Variants in C1orf167 observed in about 807,000 individuals in gnomAD.
The protein encoded by C1orf167 is uncharacterized protein C1orf167.
C1orf167 carries 153 observed loss-of-function variants against 176.5 expected under a neutral mutation model. That is an observed-to-expected ratio of 0.87 (90% CI 0.76 to 0.99). The LOEUF (loss-of-function observed/expected upper bound fraction) is 0.99. Among genes scored for constraint, C1orf167 ranks in the 50% least tolerant of loss-of-function variants. C1orf167 has a pLI of 0.00. For synonymous variants in C1orf167, 594 were observed against 752.7 expected, an observed-to-expected ratio of 0.79 and a Z score of 3.45; for missense variants, 1,490 against 1,817.7, an observed-to-expected ratio of 0.82 and a Z score of 3.28.
At position 11,788,786 on chromosome 1, in the gene C1orf167, C is replaced by T. The variant is rs1040123339; in HGVS notation, c.4173+40C>T. 3.1e-6 allele frequency: 4 copies of T among 1,294,654 alleles called. No homozygotes were observed. In the African/African-American group the frequency reaches 4.6e-5, roughly 15 times the overall value. 80.2% of individuals were successfully genotyped at this position (1,294,654 alleles called of 1,614,324 possible). A position where few individuals can be genotyped will look rare whatever the true frequency, so the allele number is the denominator to read the frequency against. ...AGGTACTGCCCTCTTCCCTGCATTC[C>T]ACTCAGCCAGCCTTCCAGAAGTCTG... On this transcript the variant is annotated intron_variant, in intron 20 of 20. Coordinates refer to ENST00000688073, the MANE Select transcript of C1orf167 (RefSeq NM_001010881.2).
chr1:11,788,010 TGCAAAGCCCAAA>T lies in C1orf167; in HGVS notation c.3816_3827del (p.Gln1274_Ala1277del). ...GCACTCCAGCCCTGAGCCCAGAGCC[TGCAAAGCCCAAA>T]GCAAGGCCCATAAACGGAGGCTACG... On this transcript the variant is annotated inframe_deletion, in exon 18 of 21. Coordinates refer to ENST00000688073, the MANE Select transcript of C1orf167 (RefSeq NM_001010881.2). 1.5e-6 allele frequency: 2 copies of T among 1,302,902 alleles called. No individual in the cohort carries two copies. The highest frequency in any genetic ancestry group is 2.0e-6 in the Non-Finnish European group (2 of 988,366). The allele number at this position is 1,302,902 out of a possible 1,614,324, so 80.7% of individuals were successfully genotyped here.
Position 11,764,319 on chromosome 1 carries a change from C to T in C1orf167, c.-70-12C>T, listed in dbSNP as rs546646757. On this transcript the variant is annotated splice_polypyrimidine_tract_variant and intron_variant, in intron 1 of 20. Coordinates refer to ENST00000688073, the MANE Select transcript of C1orf167 (RefSeq NM_001010881.2). Reference sequence around the variant, plus strand: ...TGAATGAGAGCCAGGGCAACCTGTCCTCTCCCCGCAGGGCCCATCTGATTA... The same window carrying T: ...TGAATGAGAGCCAGGGCAACCTGTCTTCTCCCCGCAGGGCCCATCTGATTA... The T allele has an allele frequency of 8.9e-7, 1 of 1,126,994 alleles. No individual in the cohort carries two copies. The highest frequency in any genetic ancestry group is 1.6e-5 in the African/African-American group (1 of 62,580). 69.8% of individuals were successfully genotyped at this position (1,126,994 alleles called of 1,614,324 possible). A position where few individuals can be genotyped will look rare whatever the true frequency, so the allele number is the denominator to read the frequency against.
rs759239577 is a variant in C1orf167 at position 11,768,180 on chromosome 1, C to G, written c.1447C>G (p.Arg483Gly). The change falls in exon 5 of 21, where the codon CGA (arginine) becomes GGA (glycine). Residue 483 changes from arginine (R) to glycine (G), a missense_variant. Arg to Gly is a moderately radical substitution (Grantham distance 125). Coordinates refer to ENST00000688073, the MANE Select transcript of C1orf167 (RefSeq NM_001010881.2). This position sits in a 1 kb window ranked among gnomAD's most constrained non-coding sequence, Gnocchi z 4.5. ...GGCACTGGGCCGCTGGCAGCTGTTG[C>G]GAAAGTGCCTTCAGGCCTTGTGGCT... is the stretch of plus-strand genomic sequence containing the variant. ...AVALGRWQLL[R>G]KCLQALWLRE... is the part of the protein sequence containing the mutation. 2 of 1,287,928 alleles carry G rather than the reference C, an allele frequency of 1.6e-6. No homozygotes were observed. The highest frequency in any genetic ancestry group is 5.6e-5 in the East Asian group (1 of 18,014). The allele number at this position is 1,287,928 out of a possible 1,614,324, so 79.8% of individuals were successfully genotyped here.
chr1:11,765,593 A>G (rs1488524399), intron 2 of C1orf167, among the ~76,000 whole-genome samples: 1 of 151,340 alleles, frequency 6.6e-6, no homozygotes, highest in Admixed American at 6.6e-5. Context: ...CACCACCGTC[A>G]TCTCTCTCCT....
chr1:11,768,832 T>A lies in C1orf167; in HGVS notation c.1543-141T>A. 2.2e-6 allele frequency: 1 copy of A among 463,394 alleles called. No individual in the cohort carries two copies. Among genetic ancestry groups the A allele is most frequent in the Non-Finnish European group, 2.8e-6 (1 of 352,708 alleles). 28.7% of individuals were successfully genotyped at this position (463,394 alleles called of 1,614,324 possible). On this transcript the variant is annotated intron_variant, in intron 5 of 20. Transcript: ENST00000688073. This position sits in a 1 kb window ranked among gnomAD's most constrained non-coding sequence, Gnocchi z 4.5. ...CATTCCTTCATTCCCAAAGAAGGAA[T>A]GAATAGGCAGAGTAATGGTTAAGAC...
In C1orf167 at chr1:11,785,276, C is replaced by T. The variant is rs1643803707; in HGVS notation, c.3554C>T (p.Pro1185Leu). The T allele has an allele frequency of 1.6e-6, 2 of 1,286,860 alleles. No individual in the cohort carries two copies. The highest frequency in any genetic ancestry group is 1.1e-4 in the East Asian group (2 of 17,834). The allele number at this position is 1,286,860 out of a possible 1,614,324, so 79.7% of individuals were successfully genotyped here. ...TVQLRVRLGL[P>L]GAGKTRSCWT... Reference sequence around the variant, plus strand: ...CAGCTCAGGGTGCGGCTGGGACTGCCAGGGGCCGGCAAGGTACGCCCCAAG... The same window carrying T: ...CAGCTCAGGGTGCGGCTGGGACTGCTAGGGGCCGGCAAGGTACGCCCCAAG... The change falls in exon 16 of 21, where the codon CCA (proline) becomes CTA (leucine). Residue 1185 changes from proline (P) to leucine (L), a missense_variant. Physicochemically the swap from Pro to Leu is moderately conservative, Grantham distance 98. Coordinates refer to ENST00000688073, the MANE Select transcript of C1orf167 (RefSeq NM_001010881.2).
intron 8 of C1orf167, among the ~76,000 whole-genome samples, 163 bp downstream of exon 8, chr1:11,772,422 G>T (rs1045417002): frequency 9.5e-6 from 1 of 104,766 alleles, no homozygotes; most frequent in Non-Finnish European, 2.1e-5. Flanking sequence ...GTGCCACCAC[G>T]CACAGCTAAT....
At chr1:11,763,361 G>T (rs1239177502) in intron 1 of C1orf167, among the ~76,000 whole-genome samples, 1 of 151,250 alleles carries the variant, frequency 6.6e-6, no homozygotes, top group Non-Finnish European at 1.5e-5. Context: ...GATCCCTTGA[G>T]CCCAGGGAGG....
Position 11,775,422 on chromosome 1 carries a change from T to A in C1orf167, c.1989-13T>A. 1 of 1,284,728 alleles carries A rather than the reference T, an allele frequency of 7.8e-7. No individual in the cohort carries two copies. Among genetic ancestry groups the A allele is most frequent in the Non-Finnish European group, 1.0e-6 (1 of 979,064 alleles). The allele number at this position is 1,284,728 out of a possible 1,614,324, so 79.6% of individuals were successfully genotyped here. On this transcript the variant is annotated splice_polypyrimidine_tract_variant and intron_variant, in intron 8 of 20. Transcript: ENST00000688073. ...TTGCAATTGACATGGGTACTTTCCC[T>A]CTGTTCTCCCAGGTGCTTCGGGGCG...
intron 12 of C1orf167, 44 bp downstream of exon 12, chr1:11,779,124 G>A: frequency 8.3e-7 from 1 of 1,211,102 alleles, no homozygotes; most frequent in Non-Finnish European, 1.1e-6. Context: ...TGGACTTACT[G>A]TTTCCCGGCC....
intron 14 of C1orf167, among the ~76,000 whole-genome samples, chr1:11,783,828 A>G: frequency 6.6e-6 from 1 of 152,168 alleles, no homozygotes; most frequent in South Asian, 2.1e-4. Flanking sequence ...AGAACGAGAC[A>G]AGCCCTCCCA....
Position 11,775,567 on chromosome 1 carries a change from T to C in C1orf167, c.2121T>C (p.Asp707=). The stretch of plus-strand genomic sequence containing the variant: ...GGATGAAGCAGCTCCGGGAATCAGA[T>C]GGGGCAAAGGTGACCCAGCTGTCCC... The part of the protein sequence containing the change: ...WVRMKQLRES[D]GAKVTQLSLC... The change falls in exon 9 of 21, where the codon GAT becomes GAC. Residue 707 remains aspartate, a synonymous_variant. Transcript: ENST00000688073. 1 of 1,304,176 alleles carries C rather than the reference T, an allele frequency of 7.7e-7. No individual in the cohort carries two copies. 80.8% of individuals were successfully genotyped at this position (1,304,176 alleles called of 1,614,324 possible).
intron 12 of C1orf167, chr1:11,779,530 A>T (rs1643492612): frequency 1.2e-5 from 3 of 257,680 alleles, no homozygotes; most frequent in Non-Finnish European, 2.4e-5. Context: ...GTGAGTGCTC[A>T]GTCCATAGCA....
chr1:11,763,289 A>G (rs1297345097), intron 1 of C1orf167, among the ~76,000 whole-genome samples: 3 of 152,082 alleles, frequency 2.0e-5, no homozygotes, highest in African/African-American at 7.3e-5. Context: ...AAAAATAGAA[A>G]AATTAGTCTG....
Position 11,771,727 on chromosome 1 carries a change from C to T in C1orf167, c.1810+91C>T, listed in dbSNP as rs750239700. 1.4e-4 allele frequency: 110 copies of T among 802,426 alleles called. 1 individual carries two copies. The highest frequency in any genetic ancestry group is 1.8e-4 in the Non-Finnish European group (99 of 558,742). The allele number at this position is 802,426 out of a possible 1,614,324, so 49.7% of individuals were successfully genotyped here. A position where few individuals can be genotyped will look rare whatever the true frequency, so the allele number is the denominator to read the frequency against. On this transcript the variant is annotated intron_variant, in intron 7 of 20. Transcript: ENST00000688073. Reference sequence around the variant, plus strand: ...CTGGGCAGGGGCGGGGGACCCTGGGCGAATGAATGTTTATTTTGCATCTGC... The same window carrying T: ...CTGGGCAGGGGCGGGGGACCCTGGGTGAATGAATGTTTATTTTGCATCTGC...
chr1:11,787,376 C>T lies in C1orf167; in HGVS notation c.3568-12C>T, dbSNP rs1004426887. 2.3e-6 allele frequency: 3 copies of T among 1,280,136 alleles called. No individual in the cohort carries two copies. The Admixed American group carries it at 7.4e-5, about 32-fold the overall frequency. The allele number at this position is 1,280,136 out of a possible 1,614,324, so 79.3% of individuals were successfully genotyped here. Reference sequence around the variant, plus strand: ...ATGGGGTTCAGGTGCTCCTCTCTGGCTATTCCTTCAGACCCGCAGCTGCTG... The same window carrying T: ...ATGGGGTTCAGGTGCTCCTCTCTGGTTATTCCTTCAGACCCGCAGCTGCTG... On this transcript the variant is annotated splice_polypyrimidine_tract_variant and intron_variant, in intron 16 of 20. Coordinates refer to ENST00000688073, the MANE Select transcript of C1orf167 (RefSeq NM_001010881.2).
intron 13 of C1orf167, among the ~76,000 whole-genome samples, chr1:11,780,999 CT>C (rs386366239): frequency 0.04 from 3,725 of 92,482 alleles, 32 homozygotes; most frequent in African/African-American, 0.075. Context: ...CCCAACCAGT[CT>C]TTTTTTTTTT....
chr1:11,764,327 G>A lies in C1orf167; in HGVS notation c.-70-4G>A, dbSNP rs568439970. The A allele has an allele frequency of 7.6e-5, 90 of 1,183,192 alleles. No individual in the cohort carries two copies. The highest frequency in any genetic ancestry group is 3.7e-4 in the South Asian group (29 of 78,918). 73.3% of individuals were successfully genotyped at this position (1,183,192 alleles called of 1,614,324 possible). A position where few individuals can be genotyped will look rare whatever the true frequency, so the allele number is the denominator to read the frequency against. ...AGCCAGGGCAACCTGTCCTCTCCCC[G>A]CAGGGCCCATCTGATTAAACAGACC... On this transcript the variant is annotated splice_polypyrimidine_tract_variant and splice_region_variant and intron_variant, in intron 1 of 20. Transcript: ENST00000688073.
Position 11,785,143 on chromosome 1 carries a change from C to A in C1orf167, c.3426-5C>A. 1 of 1,284,910 alleles carries A rather than the reference C, an allele frequency of 7.8e-7. No homozygotes were observed. The highest frequency in any genetic ancestry group is 1.0e-6 in the Non-Finnish European group (1 of 983,962). The allele number at this position is 1,284,910 out of a possible 1,614,324, so 79.6% of individuals were successfully genotyped here. On this transcript the variant is annotated splice_region_variant and splice_polypyrimidine_tract_variant and intron_variant, in intron 15 of 20. Coordinates refer to ENST00000688073, the MANE Select transcript of C1orf167 (RefSeq NM_001010881.2). ...CCTGGCTGCAGACTCCTTCCTCTCC[C>A]GCAGGGTCCTAGAGGCCTCGGTGCA...
Sources: allele counts gnomAD v4.1 joint callset (sites outside exome capture counted in the v4.1 genomes callset), GRCh38; gene constraint gnomAD v4.1.1; non-coding constraint Gnocchi (gnomAD v3.1); transcripts MANE v1.5; gene names NCBI Gene and HGNC (gene_info 2026-07-23, HGNC 2026-07-21).